Variants in MGAM observed in about 807,000 individuals in gnomAD.
MGAM encodes maltase-glucoamylase.
MGAM carries 253 observed loss-of-function variants against 358.8 expected under a neutral mutation model. That is an observed-to-expected ratio of 0.71 (90% CI 0.64 to 0.78). The LOEUF (loss-of-function observed/expected upper bound fraction) is 0.78, where lower values mean the gene tolerates loss of function less well. MGAM is among the 30% of genes least tolerant of loss of function. The pLI is 0.00. For missense variants in MGAM, 3,080 were observed against 3,432.6 expected, an observed-to-expected ratio of 0.90 and a Z score of 2.57; for synonymous variants, 1,105 against 1,227.1, an observed-to-expected ratio of 0.90 and a Z score of 2.08.
chr7:142,095,961 G>A (rs1815868839), intron 64 of MGAM: 2 of 658,600 alleles, frequency 3.0e-6, no homozygotes, highest in East Asian at 2.8e-5. Flanking sequence ...TTCTAATTTG[G>A]CTGTGCAAAG....
intron 70 of MGAM, 105 bp from the exon 71 acceptor site, chr7:142,105,709 A>C (rs1362486401): frequency 2.5e-6 from 2 of 798,682 alleles, no homozygotes; most frequent in Non-Finnish European, 2.2e-6. Flanking sequence ...AATACAATGT[A>C]GAAGTATTAG....
Position 142,027,075 on chromosome 7 carries a change from C to A in MGAM, c.983-40C>A, listed in dbSNP as rs781935801. The A allele has an allele frequency of 4.9e-6, 7 of 1,440,628 alleles. No homozygotes were observed. In the Admixed American group the frequency reaches 5.1e-5, roughly 10 times the overall value. The allele number at this position is 1,440,628 out of a possible 1,614,324, so 89.2% of individuals were successfully genotyped here. ...AAACTTGTAGTTACTATTCAAGAAT[C>A]AATTCTGATTTTTATTTTCTTCATT... On this transcript the variant is annotated intron_variant, in intron 8 of 70. Coordinates refer to ENST00000475668, the MANE Select transcript of MGAM (RefSeq NM_001365693.1).
intron 50 of MGAM, 88 bp from the exon 51 acceptor site, chr7:142,081,954 A>G: frequency 7.7e-7 from 1 of 1,303,094 alleles, no homozygotes; most frequent in Non-Finnish European, 1.1e-6. Context: ...GGTAGGAATC[A>G]AGTGTTCTGT....
intron 20 of MGAM, 150 bp from the exon 21 acceptor site, chr7:142,040,571 AT>A: frequency 1.9e-6 from 2 of 1,044,376 alleles, no homozygotes; most frequent in Admixed American, 2.9e-5. Flanking sequence ...GTTATTCTTG[AT>A]TTTTTTCCTT....
At chr7:142,063,666 C>A in intron 36 of MGAM, 80 bp downstream of exon 36, 1 of 1,485,642 alleles carries the variant, frequency 6.7e-7, no homozygotes. Context: ...CAGGGGCAGC[C>A]CCACAGCTGA....
intron 53 of MGAM, among the ~76,000 whole-genome samples, 200 bp from the exon 54 acceptor site, chr7:142,084,319 T>C (rs1433682032): frequency 6.9e-6 from 1 of 145,980 alleles, no homozygotes; most frequent in African/African-American, 2.4e-5. Flanking sequence ...AGCTTTTCCA[T>C]AATTTTTAAG....
rs1056129847 is a variant in MGAM, at chr7:142,074,301, T to C, written c.5275+128T>C. 2.2e-5 allele frequency: 16 copies of C among 731,124 alleles called. 1 individual carries two copies. Among genetic ancestry groups the C allele is most frequent in the Middle Eastern group, 2.5e-4 (1 of 4,022 alleles). 45.3% of individuals were successfully genotyped at this position (731,124 alleles called of 1,614,324 possible). A position where few individuals can be genotyped will look rare whatever the true frequency, so the allele number is the denominator to read the frequency against. ...CACAGTAGCAAGAGTCACTTAAGTATTTTGTTTCTGGTTGCACCATTCAGG... is the reference window on the plus strand; with the variant it reads ...CACAGTAGCAAGAGTCACTTAAGTACTTTGTTTCTGGTTGCACCATTCAGG... On this transcript the variant is annotated intron_variant, in intron 45 of 70. Transcript: ENST00000475668.
rs1304926796 is a variant in MGAM at position 142,093,724 on chromosome 7, G to A, written c.7172+174G>A. 2.0e-5 allele frequency among the ~76,000 whole-genome samples: 3 copies of A among 146,446 alleles called. 1 individual carries two copies. Among genetic ancestry groups the A allele is most frequent in the Non-Finnish European group, 4.6e-5 (3 of 64,616 alleles). ...TTAGTGACATGGAGCCAGGCCCTGT[G>A]ATTAAAAGGAGGAGGACAGATTTAA... On this transcript the variant is annotated intron_variant, in intron 60 of 70. Coordinates refer to ENST00000475668, the MANE Select transcript of MGAM (RefSeq NM_001365693.1).
At chr7:142,001,209 C>T (rs1804706825) in intron 1 of MGAM, among the ~76,000 whole-genome samples, 1 of 152,182 alleles carries the variant, frequency 6.6e-6, no homozygotes. Flanking sequence ...GTAATTTATT[C>T]TAGAAAACAC....
At position 142,035,908 on chromosome 7, in the gene MGAM, T is replaced by G. The variant is rs138284501; in HGVS notation, c.1960-261T>G. ...TGTAAAGTGTATTACTTTTATTACC[T>G]CATTCATTTACGAAATACCTGTGTA... On this transcript the variant is annotated intron_variant, in intron 16 of 70. Transcript: ENST00000475668. 9.8e-5 allele frequency among the ~76,000 whole-genome samples: 15 copies of G among 152,294 alleles called. No individual in the cohort carries two copies. The East Asian group carries it at 2.9e-3, about 29-fold the overall frequency.
intron 44 of MGAM, among the ~76,000 whole-genome samples, chr7:142,071,427 T>C (rs535735472): frequency 6.8e-6 from 1 of 146,768 alleles, no homozygotes; most frequent in South Asian, 2.2e-4. Flanking sequence ...CAGAAGCTGT[T>C]GTTTTAGAAC....
chr7:142,054,765 C>A lies in MGAM; in HGVS notation c.3171C>A (p.Pro1057=). 6.2e-7 allele frequency: 1 copy of A among 1,613,762 alleles called. No homozygotes were observed. The highest frequency in any genetic ancestry group is 8.5e-7 in the Non-Finnish European group (1 of 1,179,788). ...TTCCTCTGGCCTAGATTTATGATCC[C>A]AACAAGAATCGGTATGAAGTTCCAG... The part of the protein sequence containing the change: ...NEMLQFKIYD[P]NKNRYEVPVP... The change falls in exon 27 of 71, where the codon CCC becomes CCA. Residue 1057 remains proline, a synonymous_variant. Transcript: ENST00000475668.
rs782319867 is a variant in MGAM, at chr7:142,031,785, A to G, written c.1576A>G (p.Ile526Val). 12 of 1,596,960 alleles carry G rather than the reference A, an allele frequency of 7.5e-6. No individual in the cohort carries two copies. In the East Asian group the frequency reaches 2.7e-4, roughly 36 times the overall value. Residue 526 changes from isoleucine to valine, a missense_variant, in exon 13 of 71, where the codon ATC becomes GTC. By Grantham distance (29) the Ile-to-Val change is conservative (BLOSUM62 3). This residue lies in a region of MGAM where 1,816 missense variants were observed against 1,840.5 expected (regional missense o/e 0.99). Coordinates refer to ENST00000475668, the MANE Select transcript of MGAM (RefSeq NM_001365693.1). ...TCACAATCAAGTAGAGTTTGATGGAATCTGGATTGTGAGTTGTTTACACTT... is the reference window on the plus strand; with the variant it reads ...TCACAATCAAGTAGAGTTTGATGGAGTCTGGATTGTGAGTTGTTTACACTT... ...LFHNQVEFDG[I>V]WIDMNEVSNF...
chr7:141,987,698 T>C (rs1170130069), intron 2 of MGAM, among the ~76,000 whole-genome samples: 1 of 152,138 alleles, frequency 6.6e-6, no homozygotes, highest in Admixed American at 6.5e-5. Context: ...TGACAACTGA[T>C]AGGATTGGAG....
chr7:142,067,947 T>TATATATATATATAAAA (rs1812925212), intron 42 of MGAM, among the ~76,000 whole-genome samples: 6 of 37,356 alleles, frequency 1.6e-4, no homozygotes, highest in Non-Finnish European at 3.6e-4. Context: ...TATATATATA[T>TATATATATATATAAAA]ATATATATAT....
Position 142,082,081 on chromosome 7 carries a change from G to A in MGAM, c.6042G>A (p.Met2014Ile). 2 of 1,555,846 alleles carry A rather than the reference G, an allele frequency of 1.3e-6. No homozygotes were observed. The highest frequency in any genetic ancestry group is 1.7e-5 in the Admixed American group (1 of 58,474). The change falls in exon 51 of 71, where the codon ATG becomes ATA. Residue 2014 changes from methionine to isoleucine, a missense_variant. By Grantham distance (10) the Met-to-Ile change is conservative. Transcript: ENST00000475668. The stretch of plus-strand genomic sequence containing the variant: ...TCCTTGGCTTCACCTTCAATGACAT[G>A]TTTATCCGCATCTCCACCCGCCTTC... ...SQLLGFTFND[M>I]FIRISTRLPS...
chr7:141,988,908 A>G (rs1376141008), intron 2 of MGAM, among the ~76,000 whole-genome samples: 1 of 152,164 alleles, frequency 6.6e-6, no homozygotes, highest in Non-Finnish European at 1.5e-5. Flanking sequence ...TCCTACTCCA[A>G]CTAACTCCTT....
chr7:142,027,491 C>T, intron 9 of MGAM, 119 bp from the exon 10 acceptor site: 1 of 1,150,714 alleles, frequency 8.7e-7, no homozygotes, highest in Non-Finnish European at 1.2e-6. Context: ...AACATTCTAA[C>T]ATTAATGAAT....
At chr7:141,986,946 G>T (rs1803732343) in intron 2 of MGAM, among the ~76,000 whole-genome samples, 1 of 152,170 alleles carries the variant, frequency 6.6e-6, no homozygotes. Context: ...GCAGGTGGTG[G>T]TAAAAGCCAG....
Sources: gnomAD v4.1 joint callset for allele counts (sites outside exome capture counted in the v4.1 genomes callset) on GRCh38, gnomAD v4.1.1 for gene constraint, gnomAD v4.1.1 regional missense constraint, MANE v1.5 for transcripts, NCBI Gene and HGNC (gene_info 2026-07-23, HGNC 2026-07-21) for gene names.